ROBO2: variants seen among roughly 807,000 people sequenced by gnomAD.
ROBO2 encodes the protein roundabout guidance receptor 2.
In ROBO2, 53 loss-of-function variants were observed where a neutral mutation model predicts 160.8. The ratio of observed to expected loss-of-function variants is 0.33; its 90% CI spans 0.26 to 0.41. The LOEUF (loss-of-function observed/expected upper bound fraction) is 0.41. Among genes scored for constraint, ROBO2 ranks in the 10% least tolerant of loss-of-function variants. The pLI is 1.00. For synonymous variants in ROBO2, 664 were observed against 611.7 expected (o/e 1.09, Z -1.26); for missense variants, 1,577 against 1,722.4 (o/e 0.92, Z 1.49).
chr3:77,021,409 C>T (rs189620922), intron 2 of ROBO2, among the ~76,000 whole-genome samples: 2 of 152,216 alleles, frequency 1.3e-5, no homozygotes, highest in African/African-American at 4.8e-5. Context: ...ACTAGAATCT[C>T]TCTCCCTCAA....
intron 2 of ROBO2, among the ~76,000 whole-genome samples, chr3:77,403,608 GTGTGTGTGTA>G (rs1465524943): frequency 1.4e-5 from 1 of 73,300 alleles, no homozygotes; most frequent in Non-Finnish European, 2.7e-5. Flanking sequence ...GTGTGTGTGT[GTGTGTGTGTA>G]TTTTTTTTTT....
chr3:77,414,808 T>G (rs2153526070), intron 2 of ROBO2, among the ~76,000 whole-genome samples: 1 of 152,376 alleles, frequency 6.6e-6, no homozygotes, highest in East Asian at 1.9e-4. Flanking sequence ...AAACAATGAA[T>G]TATGCTGAAA....
At chr3:77,057,388 C>T (rs566322949) in intron 1 of ROBO2, among the ~76,000 whole-genome samples, 12 of 151,888 alleles carry the variant, frequency 7.9e-5, no homozygotes, top group African/African-American at 2.7e-4. Context: ...TGCAGCACAC[C>T]AACATGGCAC....
chr3:77,123,322 T>A (rs1309754211), intron 2 of ROBO2, among the ~76,000 whole-genome samples: 1 of 152,134 alleles, frequency 6.6e-6, no homozygotes, highest in Non-Finnish European at 1.5e-5. Context: ...TTTGTTTGTG[T>A]TTTTTCTGCA....
At chr3:77,180,085 A>G (rs542788851) in intron 2 of ROBO2, among the ~76,000 whole-genome samples, 25 of 152,200 alleles carry the variant, frequency 1.6e-4, no homozygotes, top group Admixed American at 1.1e-3. Context: ...AAAGAGCCAC[A>G]GACATTCTTC....
intron 2 of ROBO2, among the ~76,000 whole-genome samples, chr3:76,684,292 A>G (rs773030133): frequency 3.3e-5 from 5 of 152,096 alleles, no homozygotes; most frequent in Non-Finnish European, 5.9e-5. Flanking sequence ...GCTGGGTTCT[A>G]GAAAAGCTGT....
chr3:76,054,849 A>G (rs2067780483), intron 2 of ROBO2, among the ~76,000 whole-genome samples: 1 of 152,188 alleles, frequency 6.6e-6, no homozygotes, highest in Non-Finnish European at 1.5e-5. Context: ...GCTTGCATAA[A>G]CTGACACATC....
intron 2 of ROBO2, among the ~76,000 whole-genome samples, chr3:77,390,615 TC>T (rs1428537098): frequency 5.9e-5 from 9 of 152,120 alleles, no homozygotes; most frequent in Non-Finnish European, 1.0e-4. Flanking sequence ...CTCTTTCCTT[TC>T]TAAATTACCC....
intron 4 of ROBO2, among the ~76,000 whole-genome samples, chr3:77,482,012 A>G (rs911574347): frequency 2.6e-5 from 4 of 152,208 alleles, no homozygotes; most frequent in African/African-American, 9.6e-5. Context: ...ACACTCTTTT[A>G]GAATACATTC....
At chr3:76,991,521 A>G (rs1578101098) in intron 2 of ROBO2, among the ~76,000 whole-genome samples, 1 of 152,172 alleles carries the variant, frequency 6.6e-6, no homozygotes, top group East Asian at 1.9e-4. Context: ...GAGTTGTATA[A>G]GTCATGGTTC....
intron 2 of ROBO2, among the ~76,000 whole-genome samples, chr3:76,483,383 T>C (rs2079314467): frequency 6.6e-6 from 1 of 152,016 alleles, no homozygotes; most frequent in Non-Finnish European, 1.5e-5. Context: ...TGGTATATTG[T>C]GTGATGCTGA....
At position 77,083,832 on chromosome 3, in the gene ROBO2, TTAGA is replaced by T. The variant is rs1450007139; in HGVS notation, c.62-14176_62-14173del. ...GAGGAGAGAGGTGAGGGTTTCATTC[TTAGA>T]TAGATGAACCTTGAGTTGATGACTG... is the stretch of plus-strand genomic sequence containing the variant. On this transcript the variant is annotated intron_variant, in intron 1 of 25. Transcript: ENST00000461745. 2.6e-5 allele frequency among the ~76,000 whole-genome samples: 4 copies of T among 152,208 alleles called. No homozygotes were observed. In the East Asian group the frequency reaches 7.7e-4, roughly 29 times the overall value.
At chr3:76,224,700 A>G (rs1434364279) in intron 2 of ROBO2, among the ~76,000 whole-genome samples, 2 of 151,906 alleles carry the variant, frequency 1.3e-5, no homozygotes, top group African/African-American at 2.4e-5. Flanking sequence ...GCTAAATTCT[A>G]TTTAACCTTG....
rs1707339615 is a variant in ROBO2, at chr3:76,270,084, A to C, written c.109+332482A>C. On this transcript the variant is annotated intron_variant, in intron 2 of 26. Transcript: ENST00000487694. ...TTGGAATTGACTGTCATATTGATGG[A>C]GGAGTTTAAGGATAGTGCTTATTGA... is the stretch of plus-strand genomic sequence containing the variant. Among the ~76,000 whole-genome samples, 4 of 152,054 alleles carry C rather than the reference A, an allele frequency of 2.6e-5. No individual in the cohort carries two copies. In the South Asian group the frequency reaches 8.3e-4, roughly 31 times the overall value.
intron 2 of ROBO2, among the ~76,000 whole-genome samples, chr3:76,419,635 CTCTG>C (rs1481833320): frequency 1.3e-5 from 2 of 152,002 alleles, no homozygotes; most frequent in East Asian, 1.9e-4. Context: ...AACTTATTTT[CTCTG>C]TCTATTGAGG....
At position 76,030,137 on chromosome 3, in the gene ROBO2, T is replaced by C. The variant is rs182329170; in HGVS notation, c.109+92535T>C. ...ACCAGTGATGATGAGCATTTTTTCATGTGTCTGTTGGCTGAATAAATGTCT... is the reference window on the plus strand; with the variant it reads ...ACCAGTGATGATGAGCATTTTTTCACGTGTCTGTTGGCTGAATAAATGTCT... On this transcript the variant is annotated intron_variant, in intron 2 of 26. Coordinates refer to the ROBO2 transcript ENST00000487694. Among the ~76,000 whole-genome samples the C allele has an allele frequency of 4.6e-5, 7 of 152,352 alleles. No homozygotes were observed. In the South Asian group the frequency reaches 1.0e-3, roughly 23 times the overall value.
intron 2 of ROBO2, among the ~76,000 whole-genome samples, chr3:77,402,372 G>A (rs145281921): frequency 4.9e-4 from 75 of 152,096 alleles, no homozygotes; most frequent in African/African-American, 1.6e-3. Context: ...ACAATGGCAC[G>A]TGTATACCTA....
At chr3:77,263,992 C>T (rs1030890110) in intron 2 of ROBO2, among the ~76,000 whole-genome samples, 19 of 152,042 alleles carry the variant, frequency 1.2e-4, no homozygotes, top group African/African-American at 2.7e-4. Context: ...TGGTTCATAG[C>T]GAAACTCAAT....
intron 2 of ROBO2, among the ~76,000 whole-genome samples, chr3:76,262,586 T>A (rs1706838609): frequency 6.6e-6 from 1 of 152,160 alleles, no homozygotes; most frequent in South Asian, 2.1e-4. Context: ...CCTACTTATA[T>A]ACTTGGGGTT....
Sources: gnomAD v4.1 joint callset for allele counts (sites outside exome capture counted in the v4.1 genomes callset) on GRCh38, gnomAD v4.1.1 for gene constraint, MANE v1.5 for transcripts, NCBI Gene and HGNC (gene_info 2026-07-23, HGNC 2026-07-21) for gene names.